Variants in GRIA4 observed in about 807,000 individuals in gnomAD.
GRIA4 encodes the protein glutamate receptor 4.
GRIA4 carries 34 observed loss-of-function variants against 104.0 expected under a neutral mutation model. The observed-to-expected ratio is 0.33, with a 90% CI of 0.25 to 0.44. The LOEUF is 0.44. GRIA4 is among the 20% of genes least tolerant of loss of function. The probability of loss-of-function intolerance (pLI) is 1.00; values close to 1 mark genes in which losing one functional copy is unlikely to be tolerated. For missense variants in GRIA4, 750 were observed against 1,096.5 expected, an observed-to-expected ratio of 0.68 and a Z score of 4.46; for synonymous variants, 386 against 381.9, an observed-to-expected ratio of 1.01 and a Z score of -0.13.
chr11:105,646,224 C>T (rs1347533120), intron 3 of GRIA4, among the ~76,000 whole-genome samples: 2 of 152,132 alleles, frequency 1.3e-5, no homozygotes, highest in Non-Finnish European at 2.9e-5. Flanking sequence ...TTTCAATAAA[C>T]AGAAAATTTG....
chr11:105,618,251 A>G (rs1247020552), intron 3 of GRIA4, among the ~76,000 whole-genome samples: 1 of 152,028 alleles, frequency 6.6e-6, no homozygotes, highest in Non-Finnish European at 1.5e-5. Context: ...AATGATTGGA[A>G]CACAATAATG....
At chr11:105,870,804 A>G (rs561599711) in intron 5 of GRIA4, among the ~76,000 whole-genome samples, 1 of 152,234 alleles carries the variant, frequency 6.6e-6, no homozygotes, top group Admixed American at 6.6e-5. Flanking sequence ...ATTGCATCAT[A>G]GATGTCATCG....
In GRIA4 at chr11:105,979,794, G is replaced by A. The variant is rs898377949; in HGVS notation, c.*55G>A. 4 of 1,379,956 alleles carry A rather than the reference G, an allele frequency of 2.9e-6. No homozygotes were observed. Among genetic ancestry groups the A allele is most frequent in the Non-Finnish European group, 4.1e-6 (4 of 979,890 alleles). 85.5% of individuals were successfully genotyped at this position (1,379,956 alleles called of 1,614,324 possible). On this transcript the variant is annotated 3_prime_UTR_variant, in exon 17 of 17. Transcript: ENST00000282499. Reference sequence around the variant, plus strand: ...TAAACTGTTGGTGACTGGTGGAAACGCAGCCCTGAGGGACACGCCACGCGC... The same window carrying A: ...TAAACTGTTGGTGACTGGTGGAAACACAGCCCTGAGGGACACGCCACGCGC...
At chr11:105,637,830 G>C (rs1951248270) in intron 3 of GRIA4, among the ~76,000 whole-genome samples, 1 of 152,098 alleles carries the variant, frequency 6.6e-6, no homozygotes, top group Non-Finnish European at 1.5e-5. Context: ...TGAACATAAA[G>C]ATTCTTAAAA....
intron 4 of GRIA4, among the ~76,000 whole-genome samples, chr11:105,801,064 T>TA (rs1942699985): frequency 6.6e-6 from 1 of 151,766 alleles, no homozygotes; most frequent in Admixed American, 6.6e-5. Flanking sequence ...TAAATCCTAA[T>TA]AAAATTGAGC....
At chr11:105,859,558 A>G (rs1208918592) in intron 4 of GRIA4, among the ~76,000 whole-genome samples, 2 of 152,188 alleles carry the variant, frequency 1.3e-5, no homozygotes, top group Non-Finnish European at 2.9e-5. Context: ...ACATTCTGTA[A>G]AAGTCATGTC....
intron 11 of GRIA4, among the ~76,000 whole-genome samples, chr11:105,919,161 G>A (rs1430085803): frequency 6.6e-6 from 1 of 151,996 alleles, no homozygotes; most frequent in Non-Finnish European, 1.5e-5. Flanking sequence ...TACAATCCTA[G>A]TTTTTTTAAT....
chr11:105,851,499 A>G (rs1163922327), intron 4 of GRIA4, among the ~76,000 whole-genome samples: 9 of 152,224 alleles, frequency 5.9e-5, no homozygotes, highest in Admixed American at 5.9e-4. Flanking sequence ...CAGCTAGGGA[A>G]ATGTAAAGAA....
intron 3 of GRIA4, among the ~76,000 whole-genome samples, chr11:105,683,568 T>C (rs1193264816): frequency 6.6e-6 from 1 of 152,166 alleles, no homozygotes; most frequent in East Asian, 1.9e-4. Context: ...TTTCATCAAA[T>C]AGTCTTTGTA....
chr11:105,759,740 A>G (rs1215661256), intron 4 of GRIA4, among the ~76,000 whole-genome samples: 1 of 152,136 alleles, frequency 6.6e-6, no homozygotes, highest in African/African-American at 2.4e-5. Context: ...CTTATTCACC[A>G]TTTGGGTCTG....
chr11:105,924,864 A>T, intron 12 of GRIA4, 95 bp downstream of exon 12: 4 of 986,748 alleles, frequency 4.1e-6, no homozygotes, highest in Non-Finnish European at 6.0e-6. Context: ...CTGAAGACAG[A>T]GGACTATTTG....
At chr11:105,667,063 C>T (rs1477655249) in intron 3 of GRIA4, among the ~76,000 whole-genome samples, 1 of 151,894 alleles carries the variant, frequency 6.6e-6, no homozygotes. Context: ...AAAATCACAA[C>T]ATAACTACAC....
intron 3 of GRIA4, among the ~76,000 whole-genome samples, chr11:105,626,685 T>G (rs1950895199): frequency 6.6e-6 from 1 of 152,174 alleles, no homozygotes; most frequent in East Asian, 1.9e-4. Context: ...CCAAGCTGCT[T>G]AAGGAAGTCT....
At chr11:105,911,945 C>G in intron 10 of GRIA4, 7 of 1,538,284 alleles carry the variant, frequency 4.6e-6, no homozygotes, top group Non-Finnish European at 5.3e-6. Context: ...TTCGACCATT[C>G]CTAACTAAGG....
At chr11:105,771,167 C>A (rs182617188) in intron 4 of GRIA4, among the ~76,000 whole-genome samples, 103 of 152,154 alleles carry the variant, frequency 6.8e-4, no homozygotes, top group Admixed American at 2.0e-3. Context: ...GCATACTCTA[C>A]AAAGCTTTTT....
At chr11:105,664,773 A>C (rs1422435075) in intron 3 of GRIA4, among the ~76,000 whole-genome samples, 1 of 151,976 alleles carries the variant, frequency 6.6e-6, no homozygotes, top group Non-Finnish European at 1.5e-5. Flanking sequence ...CGGGATCTCA[A>C]ATATAATTAT....
At chr11:105,740,819 A>G (rs1346979902) in intron 3 of GRIA4, among the ~76,000 whole-genome samples, 1 of 152,166 alleles carries the variant, frequency 6.6e-6, no homozygotes, top group East Asian at 1.9e-4. Flanking sequence ...TAAATAGAAG[A>G]AAAAGGGAGA....
chr11:105,735,278 G>A (rs1938862735), intron 3 of GRIA4, among the ~76,000 whole-genome samples: 1 of 152,124 alleles, frequency 6.6e-6, no homozygotes, highest in South Asian at 2.1e-4. Context: ...TCAATATAGT[G>A]AACCATGGAT....
intron 14 of GRIA4, among the ~76,000 whole-genome samples, chr11:105,946,294 A>G (rs1948310595): frequency 6.6e-6 from 1 of 152,170 alleles, no homozygotes; most frequent in Non-Finnish European, 1.5e-5. Flanking sequence ...AAGTGAAAGA[A>G]TTTAAAGGGG....
Sources: gnomAD v4.1 joint callset for allele counts (sites outside exome capture counted in the v4.1 genomes callset) on GRCh38, gnomAD v4.1.1 for gene constraint, MANE v1.5 for transcripts, NCBI Gene and HGNC (gene_info 2026-07-23, HGNC 2026-07-21) for gene names.